The following CSGALNACT1 variants were observed in gnomAD, a reference collection of about 807,000 sequenced individuals.
CSGALNACT1 encodes the protein beta4GalNAcT-1.
A neutral mutation model predicts 51.0 loss-of-function variants in CSGALNACT1; 52 were observed. The ratio of observed to expected loss-of-function variants is 1.02; its 90% CI spans 0.82 to 1.29. CSGALNACT1 has a LOEUF of 1.29. CSGALNACT1 is among the 50% of genes most tolerant of loss of function. CSGALNACT1 has a pLI of 0.00. For synonymous variants in CSGALNACT1, 341 were observed against 254.4 expected, an observed-to-expected ratio of 1.34 and a Z score of -3.24; for missense variants, 935 against 679.2, an observed-to-expected ratio of 1.38 and a Z score of -4.19.
chr8:19,492,807 C>A (rs1165152496), intron 4 of CSGALNACT1, among the ~76,000 whole-genome samples: 2 of 152,138 alleles, frequency 1.3e-5, no homozygotes, highest in Non-Finnish European at 2.9e-5. Flanking sequence ...ACTGGAAATT[C>A]ATCTTTATAG....
chr8:19,479,622 C>G (rs946994160), intron 4 of CSGALNACT1, among the ~76,000 whole-genome samples: 1 of 152,174 alleles, frequency 6.6e-6, no homozygotes, highest in African/African-American at 2.4e-5. Flanking sequence ...AAGTGCTGTT[C>G]TAACCAGGCA....
chr8:19,441,289 G>T (rs183414409), intron 5 of CSGALNACT1, among the ~76,000 whole-genome samples: 4 of 152,156 alleles, frequency 2.6e-5, no homozygotes, highest in Admixed American at 6.5e-5. Flanking sequence ...GATCAAAGCC[G>T]GAGGCATCAC....
chr8:19,491,388 A>T (rs948425768), intron 4 of CSGALNACT1, among the ~76,000 whole-genome samples: 20 of 152,212 alleles, frequency 1.3e-4, no homozygotes, highest in African/African-American at 4.6e-4. Flanking sequence ...CAGAAAGGAA[A>T]ATACTGGAAA....
exon 1 of CSGALNACT1, chr8:19,602,017 C>T (rs1164717076): frequency 1.4e-5 from 5 of 360,748 alleles, no homozygotes; most frequent in Middle Eastern, 9.7e-4. Context: ...GGTATTTGTT[C>T]TCTCCCTGTT....
At chr8:19,425,255 C>T (rs1218861893) in intron 6 of CSGALNACT1, among the ~76,000 whole-genome samples, 9 of 152,104 alleles carry the variant, frequency 5.9e-5, no homozygotes, top group East Asian at 5.8e-4. Flanking sequence ...GCAGGAGAAT[C>T]GCTTGAATCT....
chr8:19,406,644 AAAAAAAG>A (rs1430719239), intron 9 of CSGALNACT1, among the ~76,000 whole-genome samples: 1 of 149,662 alleles, frequency 6.7e-6, no homozygotes, highest in East Asian at 2.0e-4. Flanking sequence ...AAAAAAAAAA[AAAAAAAG>A]AGCTTCTACA....
upstream of CSGALNACT1, among the ~76,000 whole-genome samples, chr8:19,683,994 C>T (rs932363317): frequency 6.6e-6 from 1 of 151,846 alleles, no homozygotes; most frequent in African/African-American, 2.4e-5. Context: ...GGTGAAACCC[C>T]GTCTATACTA....
chr8:19,687,759 C>T (rs1300133281), intron 1 of CSGALNACT1, among the ~76,000 whole-genome samples: 1 of 152,168 alleles, frequency 6.6e-6, no homozygotes, highest in Non-Finnish European at 1.5e-5. Flanking sequence ...AAAGACAATA[C>T]TATTATTACT....
chr8:19,676,871 C>A (rs1431962514), intron 1 of CSGALNACT1, among the ~76,000 whole-genome samples: 1 of 152,128 alleles, frequency 6.6e-6, no homozygotes, highest in Non-Finnish European at 1.5e-5. Context: ...AAGGAGTGAA[C>A]CATCATGTCA....
At chr8:19,540,336 C>G (rs80016458) in intron 3 of CSGALNACT1, among the ~76,000 whole-genome samples, 1 of 152,150 alleles carries the variant, frequency 6.6e-6, no homozygotes, top group Non-Finnish European at 1.5e-5. Flanking sequence ...AGTATTTATT[C>G]TTTAGTGTTA....
intron 4 of CSGALNACT1, among the ~76,000 whole-genome samples, chr8:19,499,561 C>G (rs1192863863): frequency 6.6e-6 from 1 of 152,192 alleles, no homozygotes; most frequent in East Asian, 1.9e-4. Flanking sequence ...AACACAAGGC[C>G]TGATTTGCCA....
intron 5 of CSGALNACT1, chr8:19,457,799 A>T (rs1403669815): frequency 7.4e-7 from 1 of 1,351,468 alleles, no homozygotes; most frequent in Non-Finnish European, 9.8e-7. Flanking sequence ...CACACATCTA[A>T]AAACTTCATC....
intron 3 of CSGALNACT1, among the ~76,000 whole-genome samples, chr8:19,544,731 AG>A (rs1394907664): frequency 2.0e-5 from 3 of 152,232 alleles, no homozygotes; most frequent in Non-Finnish European, 2.9e-5. Flanking sequence ...ATAAACCTCT[AG>A]TAGCTGTAAG....
chr8:19,618,711 G>A (rs1424262800), intron 1 of CSGALNACT1, among the ~76,000 whole-genome samples: 2 of 150,984 alleles, frequency 1.3e-5, no homozygotes, highest in Non-Finnish European at 1.5e-5. Context: ...TAGCAATCAT[G>A]GCACCCAGCT....
At chr8:19,717,306 C>T (rs937191765) in intron 1 of CSGALNACT1, among the ~76,000 whole-genome samples, 6 of 152,224 alleles carry the variant, frequency 3.9e-5, no homozygotes, top group African/African-American at 9.6e-5. Flanking sequence ...AAACAAGTTC[C>T]TTTGTCACCA....
chr8:19,449,373 G>C (rs2062685108), intron 5 of CSGALNACT1, among the ~76,000 whole-genome samples: 2 of 152,176 alleles, frequency 1.3e-5, no homozygotes, highest in African/African-American at 4.8e-5. Context: ...GGGGCTTAAG[G>C]ATGGCAGGAG....
intron 4 of CSGALNACT1, among the ~76,000 whole-genome samples, chr8:19,491,439 T>A (rs1011344716): frequency 1.3e-5 from 2 of 152,230 alleles, no homozygotes; most frequent in Non-Finnish European, 2.9e-5. Context: ...CAAATTACTT[T>A]ACAGAATGAT....
At chr8:19,653,977 G>A (rs2058051493) in intron 1 of CSGALNACT1, among the ~76,000 whole-genome samples, 1 of 152,064 alleles carries the variant, frequency 6.6e-6, no homozygotes. Flanking sequence ...AGGAAACCAT[G>A]CTAGGTTCAC....
intron 4 of CSGALNACT1, among the ~76,000 whole-genome samples, chr8:19,460,273 G>A (rs2065069868): frequency 6.6e-6 from 1 of 152,074 alleles, no homozygotes; most frequent in African/African-American, 2.4e-5. Flanking sequence ...GAGAGAGAGA[G>A]AGAAAGAGAC....
Sources: gnomAD v4.1 joint callset for allele counts (sites outside exome capture counted in the v4.1 genomes callset) on GRCh38, gnomAD v4.1.1 for gene constraint, MANE v1.5 for transcripts, NCBI Gene and HGNC (gene_info 2026-07-23, HGNC 2026-07-21) for gene names.